Variants in CBFA2T3 observed in about 807,000 individuals in gnomAD.
CBFA2T3 encodes the protein transcriptional corepressor CBFA2T3.
In CBFA2T3, 31 loss-of-function variants were observed where a neutral mutation model predicts 58.6. The observed-to-expected ratio is 0.53, with a 90% CI of 0.40 to 0.71. The LOEUF is 0.71. CBFA2T3 is among the 30% of genes least tolerant of loss of function. CBFA2T3 has a pLI of 0.00. For missense variants in CBFA2T3, 1,076 were observed against 963.1 expected (o/e 1.12, Z -1.55); for synonymous variants, 531 against 421.9 (o/e 1.26, Z -3.17).
At chr16:88,964,838 C>T (rs1001211270) in intron 1 of CBFA2T3, among the ~76,000 whole-genome samples, 2 of 151,440 alleles carry the variant, frequency 1.3e-5, no homozygotes, top group African/African-American at 4.9e-5. Context: ...ATCTATCCAC[C>T]CACCCATCCA....
chr16:88,950,574 T>A (rs1248519410), intron 1 of CBFA2T3: 1 of 386,362 alleles, frequency 2.6e-6, no homozygotes, highest in African/African-American at 3.5e-5. Context: ...GGGTCAGGAG[T>A]GTTGGCACCT....
intron 1 of CBFA2T3, among the ~76,000 whole-genome samples, chr16:88,969,714 G>A (rs1972601603): frequency 1.3e-5 from 2 of 152,228 alleles, no homozygotes; most frequent in Admixed American, 6.5e-5. Flanking sequence ...CAGGGCAGCA[G>A]GCCAGGCTTG....
chr16:88,899,137 G>T (rs993056276), intron 2 of CBFA2T3, among the ~76,000 whole-genome samples: 1 of 147,488 alleles, frequency 6.8e-6, no homozygotes, highest in Non-Finnish European at 1.5e-5. Flanking sequence ...CTGTCACTGG[G>T]CAAGAGAAAC....
intron 1 of CBFA2T3, among the ~76,000 whole-genome samples, chr16:88,909,017 G>T (rs115940708): frequency 1.3e-5 from 2 of 152,134 alleles, no homozygotes; most frequent in African/African-American, 4.8e-5. Context: ...CCCGGGGAGC[G>T]GGGGGCACCG....
Position 88,875,038 on chromosome 16 carries a change from ACTC to A in CBFA2T3, c.*1935_*1937del. 1 of 233,522 alleles carries A rather than the reference ACTC, an allele frequency of 4.3e-6. No homozygotes were observed. The highest frequency in any genetic ancestry group is 2.2e-5 in the African/African-American group (1 of 44,856). The allele number at this position is 233,522 out of a possible 1,614,324, so 14.5% of individuals were successfully genotyped here. On this transcript the variant is annotated 3_prime_UTR_variant, in exon 12 of 12. Coordinates refer to ENST00000268679, the MANE Select transcript of CBFA2T3 (RefSeq NM_005187.6). ...TCCCGTATTGCACTGAGTTCCTAGA[ACTC>A]CTGATAGCCACGCACACAGATGCCA...
Position 88,885,079 on chromosome 16 carries a change from G to A in CBFA2T3, c.1084C>T (p.Pro362Ser). ...CGATGGCGCTCTCGTAGCTCCCGGGGGTCTGGGTGGCGGTAGGCATCTCGG... is the reference window on the plus strand; with the variant it reads ...CGATGGCGCTCTCGTAGCTCCCGGGAGTCTGGGTGGCGGTAGGCATCTCGG... ...HFRDAYRHPD[P>S]RELRERHRPL... is the part of the protein sequence containing the mutation. The change falls in exon 7 of 12, where the codon CCC (proline) becomes TCC (serine). Residue 362 changes from proline to serine, a missense_variant. Physicochemically the swap from Pro to Ser is moderately conservative, Grantham distance 74. Transcript: ENST00000268679. This position sits in a 1 kb window ranked among gnomAD's most constrained non-coding sequence, Gnocchi z 5.3. The A allele has an allele frequency of 6.2e-7, 1 of 1,601,890 alleles. No homozygotes were observed. Among genetic ancestry groups the A allele is most frequent in the South Asian group, 1.1e-5 (1 of 90,886 alleles).
chr16:88,954,037 A>C (rs1972144667), intron 1 of CBFA2T3, among the ~76,000 whole-genome samples: 1 of 152,090 alleles, frequency 6.6e-6, no homozygotes, highest in Non-Finnish European at 1.5e-5. Flanking sequence ...CTGGTCCTTC[A>C]TGCCTGGGTG....
intron 1 of CBFA2T3, among the ~76,000 whole-genome samples, chr16:88,927,422 T>G (rs1290444135): frequency 1.3e-5 from 2 of 152,140 alleles, no homozygotes; most frequent in African/African-American, 4.8e-5. Flanking sequence ...CCCAGCCTGT[T>G]TTCTGGGTGT....
chr16:88,949,955 G>C (rs1164871310), intron 1 of CBFA2T3, among the ~76,000 whole-genome samples: 1 of 151,954 alleles, frequency 6.6e-6, no homozygotes, highest in East Asian at 1.9e-4. Flanking sequence ...GTTGCAATGA[G>C]CCAAAATGGT....
rs1969315995 is a variant in CBFA2T3, at chr16:88,885,260, C to A, written c.903G>T (p.Glu301Asp). The change falls in exon 7 of 12, where the codon GAG (glutamate) becomes GAT (aspartate). Residue 301 changes from glutamate (E) to aspartate (D), a missense_variant. Physicochemically the swap from Glu to Asp is conservative, Grantham distance 45. Coordinates refer to ENST00000268679, the MANE Select transcript of CBFA2T3 (RefSeq NM_005187.6). This position sits in a 1 kb window ranked among gnomAD's most constrained non-coding sequence, Gnocchi z 5.3. ...GCAGCGGGTCGCGGTCTGACCCGTT[C>A]TCTTTGGTCCTAGCCCCAAGAGCAG... ...GKRRTPDRTKENGSDRDPLHP... is the reference protein window; with the variant it reads ...GKRRTPDRTKDNGSDRDPLHP... 3 of 1,545,920 alleles carry A rather than the reference C, an allele frequency of 1.9e-6. No homozygotes were observed. Among genetic ancestry groups the A allele is most frequent in the East Asian group, 2.3e-5 (1 of 43,458 alleles).
At chr16:88,963,235 G>GGCCAGGGGTGCGCGCTCATCTTCT (rs1972412144) in intron 1 of CBFA2T3, among the ~76,000 whole-genome samples, 2 of 100,508 alleles carry the variant, frequency 2.0e-5, no homozygotes, top group African/African-American at 8.1e-5. Flanking sequence ...AGTGGGGGAA[G>GGCCAGGGGTGCGCGCTCATCTTCT]GCCAGGGGTG....
chr16:88,885,722 C>T lies in CBFA2T3; in HGVS notation c.893+239G>A, dbSNP rs1435515865. The T allele has an allele frequency of 1.8e-6, 1 of 540,962 alleles. No homozygotes were observed. The allele number at this position is 540,962 out of a possible 1,614,324, so 33.5% of individuals were successfully genotyped here. ...CAGGGGAGAGCCGTCCTCCCACCAG[C>T]CTCCTCCCTGTCCTCCTAGGCTCCC... On this transcript the variant is annotated intron_variant, in intron 6 of 11. Coordinates refer to ENST00000268679, the MANE Select transcript of CBFA2T3 (RefSeq NM_005187.6). This position sits in a 1 kb window ranked among gnomAD's most constrained non-coding sequence, Gnocchi z 5.3.
chr16:88,953,167 C>T lies in CBFA2T3; in HGVS notation c.151+23490G>A, dbSNP rs961293068. The stretch of plus-strand genomic sequence containing the variant: ...AGGAGGAGGAATGAGGAGTGCCGTG[C>T]CTGGGCTGGGCCATCGCCTCTCTCC... On this transcript the variant is annotated intron_variant, in intron 1 of 11. Transcript: ENST00000268679. The surrounding 1 kb of genome is among the most constrained non-coding windows in gnomAD (Gnocchi z 4.9). 2.0e-5 allele frequency among the ~76,000 whole-genome samples: 3 copies of T among 152,162 alleles called. No homozygotes were observed. Among genetic ancestry groups the T allele is most frequent in the African/African-American group, 4.8e-5 (2 of 41,436 alleles).
At position 88,953,723 on chromosome 16, in the gene CBFA2T3, T is replaced by G. The variant is rs1260834828; in HGVS notation, c.151+22934A>C. ...ACCCTGAGACCCTTATGTCTGCCTA[T>G]TGAAGGCACAGTTTACTCCCGGGAA... On this transcript the variant is annotated intron_variant, in intron 1 of 11. Coordinates refer to ENST00000268679, the MANE Select transcript of CBFA2T3 (RefSeq NM_005187.6). This position sits in a 1 kb window ranked among gnomAD's most constrained non-coding sequence, Gnocchi z 4.9. Among the ~76,000 whole-genome samples the G allele has an allele frequency of 6.6e-6, 1 of 152,182 alleles. No individual in the cohort carries two copies. Among genetic ancestry groups the G allele is most frequent in the Non-Finnish European group, 1.5e-5 (1 of 68,018 alleles).
intron 1 of CBFA2T3, among the ~76,000 whole-genome samples, chr16:88,967,841 G>A (rs542712351): frequency 5.9e-5 from 9 of 152,334 alleles, no homozygotes; most frequent in South Asian, 2.1e-4. Flanking sequence ...CCCCTGCCCC[G>A]GAGCAGCGCG....
Position 88,953,783 on chromosome 16 carries a change from C to T in CBFA2T3, c.151+22874G>A, listed in dbSNP as rs1390670743. On this transcript the variant is annotated intron_variant, in intron 1 of 11. Coordinates refer to ENST00000268679, the MANE Select transcript of CBFA2T3 (RefSeq NM_005187.6). This position sits in a 1 kb window ranked among gnomAD's most constrained non-coding sequence, Gnocchi z 4.9. The stretch of plus-strand genomic sequence containing the variant: ...TTGGGTTTATTTCGCTGTGACTGCA[C>T]CCCCTGAATCTTAATCATATGTGTC... 1.3e-5 allele frequency among the ~76,000 whole-genome samples: 2 copies of T among 152,282 alleles called. No individual in the cohort carries two copies. Among genetic ancestry groups the T allele is most frequent in the Non-Finnish European group, 2.9e-5 (2 of 68,016 alleles).
chr16:88,935,654 C>T (rs1971473676), intron 1 of CBFA2T3, among the ~76,000 whole-genome samples: 1 of 152,172 alleles, frequency 6.6e-6, no homozygotes, highest in Non-Finnish European at 1.5e-5. Flanking sequence ...CTCTCTGGAC[C>T]ACCCCATTTT....
chr16:88,883,492 C>T (rs1455571659), intron 7 of CBFA2T3: 2 of 152,408 alleles, frequency 1.3e-5, no homozygotes, highest in Non-Finnish European at 2.9e-5. Context: ...TACAGCGTGT[C>T]TAAGGTTTTT....
At position 88,885,033 on chromosome 16, in the gene CBFA2T3, C is replaced by A; in HGVS notation, c.1117+13G>T. 6.3e-7 allele frequency: 1 copy of A among 1,583,468 alleles called. No individual in the cohort carries two copies. The highest frequency in any genetic ancestry group is 1.1e-5 in the South Asian group (1 of 89,588). On this transcript the variant is annotated intron_variant, in intron 7 of 11. Transcript: ENST00000268679. This position sits in a 1 kb window ranked among gnomAD's most constrained non-coding sequence, Gnocchi z 5.3. ...AACACGCGTCCACGCTCCCGCCCCA[C>A]CGGGCTGCTCACCAAGCGGCCGATG...
Sources: allele counts gnomAD v4.1 joint callset (sites outside exome capture counted in the v4.1 genomes callset), GRCh38; gene constraint gnomAD v4.1.1; non-coding constraint Gnocchi (gnomAD v3.1); transcripts MANE v1.5; gene names NCBI Gene and HGNC (gene_info 2026-07-23, HGNC 2026-07-21).